NLGN1: variants seen among roughly 807,000 people sequenced by gnomAD.
The protein encoded by NLGN1 is neuroligin-1.
NLGN1 carries 12 observed loss-of-function variants against 65.5 expected under a neutral mutation model. That is an observed-to-expected ratio of 0.18 (90% CI 0.12 to 0.30). The LOEUF is 0.30. Among genes scored for constraint, NLGN1 ranks in the 10% least tolerant of loss-of-function variants. The probability of loss-of-function intolerance (pLI) is 1.00; values close to 1 mark genes in which losing one functional copy is unlikely to be tolerated. For synonymous variants in NLGN1, 350 were observed against 359.5 expected, an observed-to-expected ratio of 0.97 and a Z score of 0.30; for missense variants, 750 against 1,007.1, an observed-to-expected ratio of 0.74 and a Z score of 3.46.
intron 2 of NLGN1, among the ~76,000 whole-genome samples, chr3:173,545,039 T>G (rs990592761): frequency 2.7e-5 from 4 of 148,562 alleles, no homozygotes; most frequent in Non-Finnish European, 6.0e-5. Context: ...TGCAAAGTTT[T>G]GTGTGTGTGT....
intron 4 of NLGN1, among the ~76,000 whole-genome samples, chr3:174,182,928 T>C (rs373319571): frequency 2.6e-5 from 4 of 152,326 alleles, no homozygotes; most frequent in South Asian, 4.1e-4. Context: ...TTCAGAAAGA[T>C]CTTTCTAAAA....
intron 4 of NLGN1, among the ~76,000 whole-genome samples, chr3:174,193,101 G>C (rs944890045): frequency 3.9e-5 from 6 of 151,966 alleles, no homozygotes; most frequent in African/African-American, 1.4e-4. Context: ...TTTCCTCTTT[G>C]TATCTGTAGT....
intron 4 of NLGN1, among the ~76,000 whole-genome samples, chr3:174,123,201 G>A (rs1718146355): frequency 6.6e-6 from 1 of 152,082 alleles, no homozygotes; most frequent in South Asian, 2.1e-4. Context: ...AAAGAGCAGA[G>A]AGCCATTTGC....
At chr3:173,745,198 T>G (rs6779753) in intron 3 of NLGN1, among the ~76,000 whole-genome samples, 89,810 of 151,886 alleles carry the variant, frequency 0.59, 26,831 homozygotes, top group East Asian at 0.76. Flanking sequence ...CAGAGATGCC[T>G]TGCTTGTGAC....
At chr3:173,896,350 A>G (rs934786921) in intron 4 of NLGN1, among the ~76,000 whole-genome samples, 14 of 152,174 alleles carry the variant, frequency 9.2e-5, no homozygotes, top group African/African-American at 3.4e-4. Context: ...GTGAGCTAGG[A>G]GAATCCTGAT....
rs140598106 is a variant in NLGN1 at position 173,780,806 on chromosome 3, A to G, written c.494-26874A>G. Among the ~76,000 whole-genome samples, 411 of 152,324 alleles carry G rather than the reference A, an allele frequency of 2.7e-3. 2 individuals carry two copies. Among genetic ancestry groups the G allele is most frequent in the African/African-American group, 9.4e-3 (391 of 41,568 alleles). ...ACAGCAAGTTAAAAATTCTGATCAC[A>G]TATTTTAATGATGAAAATAATATAT... On this transcript the variant is annotated intron_variant, in intron 3 of 6. Transcript: ENST00000457714.
chr3:174,222,526 C>T (rs1272277450), intron 4 of NLGN1, among the ~76,000 whole-genome samples: 1 of 152,118 alleles, frequency 6.6e-6, no homozygotes, highest in Admixed American at 6.5e-5. Context: ...CAAATCAAAT[C>T]ATCTCTTATT....
intron 2 of NLGN1, among the ~76,000 whole-genome samples, chr3:173,489,027 T>G (rs1270801172): frequency 1.3e-5 from 2 of 152,046 alleles, no homozygotes; most frequent in South Asian, 4.1e-4. Flanking sequence ...GATTTTCTTC[T>G]CAACCCCCTG....
chr3:174,194,251 G>A (rs991043527), intron 4 of NLGN1, among the ~76,000 whole-genome samples: 2 of 151,944 alleles, frequency 1.3e-5, no homozygotes, highest in Admixed American at 6.6e-5. Context: ...GAAGTCAAGA[G>A]ATCAAGACCA....
rs1560289220 is a variant in NLGN1 at position 173,747,795 on chromosome 3, C to CTTCTTTTTTTTTTTT, written c.494-59883_494-59882insCTTTTTTTTTTTTTT. On this transcript the variant is annotated intron_variant, in intron 3 of 6. Transcript: ENST00000457714. ...AAACAAAATTTTCTTTCTTCTTCTT[C>CTTCTTTTTTTTTTTT]TTGTTCTTTTTTTTTTTTTTTTTTT... 3.6e-4 allele frequency among the ~76,000 whole-genome samples: 28 copies of CTTCTTTTTTTTTTTT among 78,608 alleles called. 1 individual carries two copies. Among genetic ancestry groups the CTTCTTTTTTTTTTTT allele is most frequent in the African/African-American group, 1.7e-3 (28 of 16,150 alleles). 51.6% of individuals were successfully genotyped at this position (78,608 alleles called of 152,430 possible). A position where few individuals can be genotyped will look rare whatever the true frequency, so the allele number is the denominator to read the frequency against.
intron 4 of NLGN1, among the ~76,000 whole-genome samples, chr3:174,211,541 G>A (rs1045236451): frequency 1.4e-5 from 2 of 147,158 alleles, no homozygotes; most frequent in Admixed American, 6.8e-5. Context: ...ACAGAGTGCC[G>A]ATTGGTGTAT....
intron 4 of NLGN1, among the ~76,000 whole-genome samples, chr3:173,916,007 C>T (rs961114632): frequency 6.6e-6 from 1 of 152,086 alleles, no homozygotes; most frequent in Non-Finnish European, 1.5e-5. Context: ...TCCAAACAGG[C>T]CTTGCCTTTA....
intron 4 of NLGN1, among the ~76,000 whole-genome samples, chr3:173,831,043 T>G (rs1334177087): frequency 6.6e-6 from 1 of 152,120 alleles, no homozygotes; most frequent in Non-Finnish European, 1.5e-5. Context: ...CAACCCAATA[T>G]CCCCCTTTAA....
At chr3:173,805,479 C>T (rs1425773273) in intron 3 of NLGN1, among the ~76,000 whole-genome samples, 2 of 152,166 alleles carry the variant, frequency 1.3e-5, no homozygotes, top group African/African-American at 4.8e-5. Context: ...CTCCTAGAAT[C>T]TATTGTCATA....
chr3:173,783,181 T>C (rs548091983), intron 3 of NLGN1, among the ~76,000 whole-genome samples: 49 of 152,286 alleles, frequency 3.2e-4, no homozygotes, highest in Middle Eastern at 6.8e-3. Context: ...GCATGATTTT[T>C]TACTGTACTT....
At chr3:173,828,718 A>G (rs1287947772) in intron 4 of NLGN1, among the ~76,000 whole-genome samples, 1 of 152,098 alleles carries the variant, frequency 6.6e-6, no homozygotes, top group Non-Finnish European at 1.5e-5. Flanking sequence ...TTGAGTAAAG[A>G]CGTGATTGAT....
At chr3:173,954,020 A>G (rs571475561) in intron 4 of NLGN1, among the ~76,000 whole-genome samples, 2 of 152,318 alleles carry the variant, frequency 1.3e-5, no homozygotes, top group South Asian at 2.1e-4. Context: ...CACTTTGACA[A>G]TAAATGAGGT....
At chr3:174,161,497 A>G (rs1726496802) in intron 4 of NLGN1, among the ~76,000 whole-genome samples, 1 of 151,864 alleles carries the variant, frequency 6.6e-6, no homozygotes, top group African/African-American at 2.4e-5. Flanking sequence ...CACTGAGACA[A>G]CTAGTATTGC....
At chr3:173,931,069 G>T (rs999989346) in intron 4 of NLGN1, among the ~76,000 whole-genome samples, 9 of 152,128 alleles carry the variant, frequency 5.9e-5, no homozygotes, top group African/African-American at 1.9e-4. Flanking sequence ...CATTTATGGA[G>T]CCTAATCTCA....
Sources: allele counts gnomAD v4.1 joint callset (sites outside exome capture counted in the v4.1 genomes callset), GRCh38; gene constraint gnomAD v4.1.1; transcripts MANE v1.5; gene names NCBI Gene and HGNC (gene_info 2026-07-23, HGNC 2026-07-21).